The following SLAIN2 variants were observed in gnomAD, a reference collection of about 807,000 sequenced individuals.
SLAIN2 encodes the protein SLAIN family member 2, also known as SLAIN motif-containing protein 2.
Under a neutral mutation model 56.6 loss-of-function variants are expected in SLAIN2, and 31 were observed. That is an observed-to-expected ratio of 0.55 (90% CI 0.41 to 0.74). The LOEUF is 0.74. Ranked by LOEUF, SLAIN2 falls within the 30% of genes least tolerant of loss-of-function variation. The pLI is 0.00. For synonymous variants in SLAIN2, 317 were observed against 284.9 expected (o/e 1.11, Z -1.13); for missense variants, 777 against 754.2 (o/e 1.03, Z -0.35).
rs1295217153 is a variant in SLAIN2 at position 48,369,869 on chromosome 4, A to G, written c.410A>G (p.Lys137Arg). 1.2e-6 allele frequency: 2 copies of G among 1,613,422 alleles called. No homozygotes were observed. Among genetic ancestry groups the G allele is most frequent in the South Asian group, 2.2e-5 (2 of 90,930 alleles). Reference protein sequence around the residue: ...EESWLYSSPKKKLTPMQKSVS... With the variant: ...EESWLYSSPKRKLTPMQKSVS... ...TCTAGGCTGTATTCATCACCAAAGA[A>G]AAAACTTACACCAATGCAGAAATCG... The change falls in exon 2 of 8, where the codon AAA becomes AGA. Residue 137 changes from lysine to arginine, a missense_variant. Lys to Arg is a conservative substitution (Grantham distance 26, BLOSUM62 2). Transcript: ENST00000264313.
At chr4:48,380,312 A>G (rs987292635) in intron 4 of SLAIN2, among the ~76,000 whole-genome samples, 2 of 152,116 alleles carry the variant, frequency 1.3e-5, no homozygotes, top group Admixed American at 6.6e-5. Flanking sequence ...TATATGTTTA[A>G]GTACTATGAG....
chr4:48,392,838 C>T (rs770634807), intron 6 of SLAIN2, among the ~76,000 whole-genome samples: 2 of 149,674 alleles, frequency 1.3e-5, no homozygotes, highest in Non-Finnish European at 3.0e-5. Context: ...TTGTCTGTCT[C>T]CCCTTTCCTA....
In SLAIN2 at chr4:48,382,668, A is replaced by G. The variant is rs1335864828; in HGVS notation, c.963A>G (p.Ala321=). The G allele has an allele frequency of 3.7e-6, 6 of 1,613,804 alleles. No homozygotes were observed. The African/African-American group carries it at 4.0e-5, about 11-fold the overall frequency. Residue 321 remains alanine (A), a synonymous_variant, in exon 5 of 8, where the codon GCA becomes GCG. Transcript: ENST00000264313. The stretch of plus-strand genomic sequence containing the variant: ...CTTTTAGTGATCAGGAACTTGATGC[A>G]CAAAGTTTAGATGATGAAGATGACA... The part of the protein sequence containing the change: ...RGTFSDQELD[A]QSLDDEDDNM...
chr4:48,395,810 C>CTTTTTTTTTTTTTTTTTTT (rs10649464), intron 6 of SLAIN2, among the ~76,000 whole-genome samples: 3 of 72,770 alleles, frequency 4.1e-5, no homozygotes, highest in African/African-American at 2.0e-4. Flanking sequence ...GAACCTTAGG[C>CTTTTTTTTTTTTTTTTTTT]TTTTTTTTTT....
intron 6 of SLAIN2, among the ~76,000 whole-genome samples, chr4:48,404,074 T>C (rs13101954): frequency 0.23 from 35,155 of 151,990 alleles, 4,896 homozygotes; most frequent in Middle Eastern, 0.34. Flanking sequence ...TTTTCCTCTT[T>C]CTCCATGGGG....
chr4:48,351,477 T>A (rs1329291610), intron 1 of SLAIN2, among the ~76,000 whole-genome samples: 1 of 152,178 alleles, frequency 6.6e-6, no homozygotes, highest in African/African-American at 2.4e-5. Flanking sequence ...GTGAAACTCT[T>A]ATTTGCCATT....
intron 4 of SLAIN2, among the ~76,000 whole-genome samples, chr4:48,380,286 C>A (rs1168546746): frequency 6.6e-6 from 1 of 151,954 alleles, no homozygotes; most frequent in Non-Finnish European, 1.5e-5. Flanking sequence ...ATCTTAATAC[C>A]ACAAGATATA....
intron 6 of SLAIN2, among the ~76,000 whole-genome samples, chr4:48,405,228 G>A (rs894789109): frequency 3.3e-5 from 5 of 152,028 alleles, no homozygotes; most frequent in Admixed American, 1.3e-4. Context: ...CTCTGACATC[G>A]TCCACCTGTC....
At chr4:48,397,808 A>G (rs1346561887) in intron 6 of SLAIN2, among the ~76,000 whole-genome samples, 1 of 152,180 alleles carries the variant, frequency 6.6e-6, no homozygotes, top group Non-Finnish European at 1.5e-5. Flanking sequence ...TTCCAACTCC[A>G]TCTATGTCCC....
In SLAIN2 at chr4:48,422,371, G is replaced by A; in HGVS notation, c.*294G>A. On this transcript the variant is annotated 3_prime_UTR_variant, in exon 8 of 8. Coordinates refer to ENST00000264313, the MANE Select transcript of SLAIN2 (RefSeq NM_020846.2). ...ATATTTGACAGAGGCCAATATCTGGGCAAATACCTAATGGATGCCAAAGAG... is the reference window on the plus strand; with the variant it reads ...ATATTTGACAGAGGCCAATATCTGGACAAATACCTAATGGATGCCAAAGAG... 1 of 267,548 alleles carries A rather than the reference G, an allele frequency of 3.7e-6. No homozygotes were observed. The highest frequency in any genetic ancestry group is 7.1e-6 in the Non-Finnish European group (1 of 140,970). The allele number at this position is 267,548 out of a possible 1,614,324, so 16.6% of individuals were successfully genotyped here.
At chr4:48,361,589 A>G (rs1715329310) in intron 1 of SLAIN2, among the ~76,000 whole-genome samples, 1 of 152,222 alleles carries the variant, frequency 6.6e-6, no homozygotes, top group Non-Finnish European at 1.5e-5. Flanking sequence ...GAATTTGAAG[A>G]GCAGGCAAGT....
At chr4:48,407,232 T>C (rs1454993025) in intron 6 of SLAIN2, among the ~76,000 whole-genome samples, 1 of 152,122 alleles carries the variant, frequency 6.6e-6, no homozygotes, top group Non-Finnish European at 1.5e-5. Context: ...TCTTACATTA[T>C]GTATTGTGTA....
chr4:48,403,284 C>T (rs757532015), intron 6 of SLAIN2, among the ~76,000 whole-genome samples: 33 of 152,178 alleles, frequency 2.2e-4, no homozygotes, highest in Non-Finnish European at 4.0e-4. Context: ...GTCCAGACTG[C>T]TCTGACTCTC....
chr4:48,365,943 A>G (rs896719795), intron 1 of SLAIN2, among the ~76,000 whole-genome samples: 1 of 137,272 alleles, frequency 7.3e-6, no homozygotes, highest in Non-Finnish European at 1.6e-5. Flanking sequence ...TCCTAATGTA[A>G]GTGTTTGAAA....
chr4:48,396,285 G>C lies in SLAIN2; in HGVS notation c.1360+12501G>C, dbSNP rs545520589. Reference sequence around the variant, plus strand: ...TAAAGGTAAAGAAGGGGGAGGAGGGGCAGGGGGTGTGCTATTCTGTTTTGT... The same window carrying C: ...TAAAGGTAAAGAAGGGGGAGGAGGGCCAGGGGGTGTGCTATTCTGTTTTGT... On this transcript the variant is annotated intron_variant, in intron 6 of 7. Coordinates refer to ENST00000264313, the MANE Select transcript of SLAIN2 (RefSeq NM_020846.2). Among the ~76,000 whole-genome samples the C allele has an allele frequency of 1.1e-3, 162 of 152,054 alleles. 1 individual carries two copies. Among genetic ancestry groups the C allele is most frequent in the Middle Eastern group, 3.4e-3 (1 of 294 alleles).
At chr4:48,352,577 A>G (rs777927935) in intron 1 of SLAIN2, among the ~76,000 whole-genome samples, 6 of 152,186 alleles carry the variant, frequency 3.9e-5, no homozygotes, top group Non-Finnish European at 8.8e-5. Flanking sequence ...TGTGTGTTGT[A>G]GGATGTCCAG....
In SLAIN2 at chr4:48,382,646, T is replaced by C. The variant is rs779718717; in HGVS notation, c.941T>C (p.Phe314Ser). ...TGCAATTCTACAAGACGGGGTACTT[T>C]TAGTGATCAGGAACTTGATGCACAA... ...SSCNSTRRGT[F>S]SDQELDAQSL... The change falls in exon 5 of 8, where the codon TTT becomes TCT. Residue 314 changes from phenylalanine (F) to serine (S), a missense_variant. Transcript: ENST00000264313. 1.9e-6 allele frequency: 3 copies of C among 1,613,704 alleles called. No individual in the cohort carries two copies. The highest frequency in any genetic ancestry group is 1.3e-5 in the African/African-American group (1 of 74,914).
chr4:48,376,619 CTTTTTT>C (rs556187877), intron 2 of SLAIN2, among the ~76,000 whole-genome samples: 1 of 107,562 alleles, frequency 9.3e-6, no homozygotes, highest in African/African-American at 3.8e-5. Context: ...TTCAGGTTGA[CTTTTTT>C]TTTTTTTTTT....
At chr4:48,403,599 C>T (rs1248817080) in intron 6 of SLAIN2, among the ~76,000 whole-genome samples, 1 of 152,196 alleles carries the variant, frequency 6.6e-6, no homozygotes, top group Non-Finnish European at 1.5e-5. Flanking sequence ...GGCCACCCTT[C>T]CTCCCAGGAG....
Sources: allele counts gnomAD v4.1 joint callset (sites outside exome capture counted in the v4.1 genomes callset), GRCh38; gene constraint gnomAD v4.1.1; transcripts MANE v1.5; gene names NCBI Gene and HGNC (gene_info 2026-07-23, HGNC 2026-07-21).